The following EXOC6B variants were observed in gnomAD, a reference collection of about 807,000 sequenced individuals.
The protein encoded by EXOC6B is exocyst complex component 6B.
EXOC6B carries 54 observed loss-of-function variants against 113.5 expected under a neutral mutation model. That is an observed-to-expected ratio of 0.48 (90% CI 0.38 to 0.60). The LOEUF is 0.60. EXOC6B is among the 20% of genes least tolerant of loss of function. EXOC6B has a pLI of 0.00. For synonymous variants in EXOC6B, 357 were observed against 339.0 expected (o/e 1.05, Z -0.58); for missense variants, 797 against 977.5 (o/e 0.82, Z 2.46).
At chr2:72,444,588 C>T (rs1573133244) in intron 18 of EXOC6B, among the ~76,000 whole-genome samples, 1 of 152,224 alleles carries the variant, frequency 6.6e-6, no homozygotes, top group East Asian at 1.9e-4. Context: ...TCTATACATC[C>T]TCTGATATCT....
At chr2:72,482,184 C>G (rs537119469) in intron 16 of EXOC6B, among the ~76,000 whole-genome samples, 17 of 152,240 alleles carry the variant, frequency 1.1e-4, no homozygotes, top group Admixed American at 3.3e-4. Context: ...ATATAAGATT[C>G]TGGGCCTGCA....
intron 11 of EXOC6B, among the ~76,000 whole-genome samples, chr2:72,510,978 T>C (rs917845921): frequency 1.3e-5 from 2 of 151,910 alleles, no homozygotes; most frequent in African/African-American, 4.8e-5. Context: ...CACAAAAACA[T>C]GTAAAAAACA....
chr2:72,546,819 G>A (rs1702933795), intron 8 of EXOC6B, among the ~76,000 whole-genome samples: 1 of 152,188 alleles, frequency 6.6e-6, no homozygotes, highest in African/African-American at 2.4e-5. Context: ...TTTAGATTTT[G>A]GCAAGGCTTC....
chr2:72,498,882 GGAGA>G (rs1238360779), intron 12 of EXOC6B, among the ~76,000 whole-genome samples: 2 of 151,998 alleles, frequency 1.3e-5, no homozygotes, highest in African/African-American at 2.4e-5. Flanking sequence ...TTCACAGAAG[GGAGA>G]GAAAGTAAAA....
At chr2:72,576,920 A>C (rs1300887022) in intron 6 of EXOC6B, among the ~76,000 whole-genome samples, 2 of 152,148 alleles carry the variant, frequency 1.3e-5, no homozygotes, top group East Asian at 3.8e-4. Context: ...TCAGTGGCAA[A>C]TAGAAATTAG....
chr2:72,219,817 C>CT (rs1474681668), intron 20 of EXOC6B, among the ~76,000 whole-genome samples: 17 of 152,012 alleles, frequency 1.1e-4, no homozygotes, highest in Middle Eastern at 3.4e-3. Context: ...TTTTCACAAT[C>CT]TTTTTTTTGT....
chr2:72,675,528 C>T (rs985606248), intron 6 of EXOC6B, among the ~76,000 whole-genome samples: 9 of 152,214 alleles, frequency 5.9e-5, no homozygotes, highest in African/African-American at 1.9e-4. Flanking sequence ...CACCATGGCA[C>T]ATGCCTATAA....
intron 1 of EXOC6B, among the ~76,000 whole-genome samples, chr2:72,752,416 C>G (rs1200521120): frequency 1.3e-5 from 2 of 152,022 alleles, no homozygotes; most frequent in Non-Finnish European, 2.9e-5. Flanking sequence ...AAGCTGATTT[C>G]TTTCGAAACA....
chr2:72,326,931 A>G (rs369242765), intron 20 of EXOC6B, among the ~76,000 whole-genome samples: 2 of 152,184 alleles, frequency 1.3e-5, no homozygotes, highest in South Asian at 4.1e-4. Flanking sequence ...GAAAGCAACA[A>G]TGGAAACTCT....
At chr2:72,398,663 C>T (rs1041645310) in intron 18 of EXOC6B, among the ~76,000 whole-genome samples, 3 of 150,248 alleles carry the variant, frequency 2.0e-5, no homozygotes, top group Non-Finnish European at 4.4e-5. Context: ...CGACACTGCA[C>T]TCCAGCCTGG....
intron 6 of EXOC6B, among the ~76,000 whole-genome samples, chr2:72,603,209 T>C (rs1260563201): frequency 6.6e-6 from 1 of 152,026 alleles, no homozygotes; most frequent in Admixed American, 6.6e-5. Flanking sequence ...AAAAGCCTTT[T>C]CATGGAAATC....
intron 20 of EXOC6B, among the ~76,000 whole-genome samples, chr2:72,248,441 A>G (rs541513107): frequency 2.0e-5 from 3 of 152,178 alleles, no homozygotes; most frequent in Non-Finnish European, 2.9e-5. Context: ...AATTTATCCC[A>G]ATTTTCACTA....
At chr2:72,513,648 CAT>C (rs892617080) in intron 10 of EXOC6B, among the ~76,000 whole-genome samples, 50 of 150,952 alleles carry the variant, frequency 3.3e-4, no homozygotes, top group African/African-American at 1.1e-3. Flanking sequence ...ATATATACAT[CAT>C]ATATATATAT....
intron 18 of EXOC6B, among the ~76,000 whole-genome samples, chr2:72,399,554 C>T (rs775956084): frequency 2.6e-5 from 4 of 152,134 alleles, no homozygotes; most frequent in Non-Finnish European, 1.5e-5. Context: ...AAAGACAATA[C>T]CAAACGATTC....
intron 1 of EXOC6B, among the ~76,000 whole-genome samples, chr2:72,778,819 T>A (rs1188601046): frequency 1.3e-5 from 2 of 152,140 alleles, no homozygotes; most frequent in African/African-American, 4.8e-5. Flanking sequence ...AAAGTTAAGA[T>A]CACCGAGTTC....
intron 16 of EXOC6B, among the ~76,000 whole-genome samples, chr2:72,483,785 T>C (rs1699252021): frequency 6.6e-6 from 1 of 152,202 alleles, no homozygotes; most frequent in Non-Finnish European, 1.5e-5. Flanking sequence ...AATTGAAAGA[T>C]AAAATGAAGC....
At chr2:72,380,565 G>A (rs959388459) in intron 18 of EXOC6B, among the ~76,000 whole-genome samples, 11 of 152,000 alleles carry the variant, frequency 7.2e-5, no homozygotes, top group Non-Finnish European at 1.0e-4. Flanking sequence ...GCATAAACCC[G>A]GGAGGCAGAG....
chr2:72,679,106 A>T (rs1324327251), intron 6 of EXOC6B, among the ~76,000 whole-genome samples: 1 of 151,876 alleles, frequency 6.6e-6, no homozygotes, highest in Non-Finnish European at 1.5e-5. Context: ...TGATTCTGTC[A>T]CTCAGGCTGG....
intron 17 of EXOC6B, among the ~76,000 whole-genome samples, chr2:72,466,314 C>T (rs1308725958): frequency 6.9e-6 from 1 of 145,132 alleles, no homozygotes; most frequent in Non-Finnish European, 1.5e-5. Context: ...CACTGCACTC[C>T]AGCCTGGGCG....
Sources: allele counts gnomAD v4.1 joint callset (sites outside exome capture counted in the v4.1 genomes callset), GRCh38; gene constraint gnomAD v4.1.1; transcripts MANE v1.5; gene names NCBI Gene and HGNC (gene_info 2026-07-23, HGNC 2026-07-21).